Variants in UACA observed in about 807,000 individuals in gnomAD.
The protein encoded by UACA is nuclear membrane binding protein.
UACA carries 112 observed loss-of-function variants against 160.5 expected under a neutral mutation model. The ratio of observed to expected loss-of-function variants is 0.70; its 90% CI spans 0.60 to 0.82. UACA has a LOEUF of 0.82. UACA is among the 40% of genes least tolerant of loss of function. The pLI, the probability that UACA is intolerant of heterozygous loss-of-function variation, is 0.00. For missense variants in UACA, 1,574 were observed against 1,614.6 expected, an observed-to-expected ratio of 0.97 and a Z score of 0.43; for synonymous variants, 557 against 568.4, an observed-to-expected ratio of 0.98 and a Z score of 0.29.
At chr15:70,710,197 G>C (rs2059323) in intron 1 of UACA, among the ~76,000 whole-genome samples, 99,570 of 152,060 alleles carry the variant, frequency 0.65, 35,220 homozygotes, top group Admixed American at 0.79. Context: ...CGGGGCTGCA[G>C]TGAGCCAAGT....
intron 17 of UACA, 35 bp from the exon 18 acceptor site, chr15:70,660,251 C>G: frequency 1.3e-6 from 2 of 1,576,516 alleles, no homozygotes; most frequent in Non-Finnish European, 1.7e-6. Context: ...ATGTGACTAT[C>G]AGCGTTCACA....
the UACA span, among the ~76,000 whole-genome samples, chr15:70,769,729 G>A: frequency 1.3e-5 from 2 of 151,648 alleles, no homozygotes; most frequent in South Asian, 2.1e-4. Flanking sequence ...GGCCAGGCAC[G>A]GTCACATCTG....
rs761282559 is a variant in UACA, at chr15:70,667,672, T to C, written c.3012A>G (p.Glu1004=). The change falls in exon 16 of 19, where the codon GAA becomes GAG. Residue 1004 remains glutamate (E), a synonymous_variant. Coordinates refer to ENST00000322954, the MANE Select transcript of UACA (RefSeq NM_018003.4). ...CERKFKATEK[E]LKDQLSEQTQ... ...TCTGCTCTGATAACTGGTCTTTTAG[T>C]TCTTTCTCTGTTGCTTTAAATTTTC... 6.2e-7 allele frequency: 1 copy of C among 1,613,506 alleles called. No individual in the cohort carries two copies. The highest frequency in any genetic ancestry group is 8.5e-7 in the Non-Finnish European group (1 of 1,179,902).
chr15:70,726,009 T>C (rs530294633), intron 1 of UACA, among the ~76,000 whole-genome samples: 16 of 152,146 alleles, frequency 1.1e-4, no homozygotes, highest in African/African-American at 3.9e-4. Flanking sequence ...TCCAAATAAA[T>C]AAATAAATAA....
rs1326425807 is a variant in UACA, at chr15:70,656,850, AT to A, written c.*205del. On this transcript the variant is annotated 3_prime_UTR_variant, in exon 19 of 19. Coordinates refer to ENST00000322954, the MANE Select transcript of UACA (RefSeq NM_018003.4). The stretch of plus-strand genomic sequence containing the variant: ...GTTATGTTGTTTGCCTATTTGTAAA[AT>A]TAACACATACAGAAAATAAGATTCA... 2.2e-6 allele frequency: 1 copy of A among 451,272 alleles called. No homozygotes were observed. Among genetic ancestry groups the A allele is most frequent in the Non-Finnish European group, 3.9e-6 (1 of 254,602 alleles). The allele number at this position is 451,272 out of a possible 1,614,324, so 28.0% of individuals were successfully genotyped here. A position where few individuals can be genotyped will look rare whatever the true frequency, so the allele number is the denominator to read the frequency against.
chr15:70,672,803 T>C (rs1897181723), intron 13 of UACA, among the ~76,000 whole-genome samples: 1 of 151,580 alleles, frequency 6.6e-6, no homozygotes, highest in African/African-American at 2.4e-5. Context: ...TACAAAAAAA[T>C]ACAAGAACGA....
the UACA span, among the ~76,000 whole-genome samples, chr15:70,769,545 A>C: frequency 4.6e-5 from 7 of 150,920 alleles, no homozygotes; most frequent in East Asian, 1.4e-3. Flanking sequence ...AGTTATATAT[A>C]AACATATTTT....
intron 1 of UACA, among the ~76,000 whole-genome samples, chr15:70,760,336 G>A (rs1055981658): frequency 6.6e-6 from 1 of 152,050 alleles, no homozygotes; most frequent in Non-Finnish European, 1.5e-5. Flanking sequence ...ATCATAAAAG[G>A]TTATAAATTC....
chr15:70,749,249 G>A (rs982341675), intron 1 of UACA: 6 of 438,652 alleles, frequency 1.4e-5, no homozygotes, highest in African/African-American at 6.1e-5. Context: ...AAACAGGGCC[G>A]GGCGCGGTGG....
intron 17 of UACA, 22 bp downstream of exon 17, chr15:70,664,640 C>T: frequency 6.3e-7 from 1 of 1,596,844 alleles, no homozygotes; most frequent in Non-Finnish European, 8.5e-7. Flanking sequence ...TCCTGCAAAG[C>T]CCCGTGTGCC....
chr15:70,744,103 G>A (rs1282691633), intron 1 of UACA, among the ~76,000 whole-genome samples: 1 of 152,008 alleles, frequency 6.6e-6, no homozygotes, highest in African/African-American at 2.4e-5. Flanking sequence ...AAAGTAGCCA[G>A]GCATAGTGGC....
chr15:70,759,155 C>A (rs2030599330), intron 1 of UACA, among the ~76,000 whole-genome samples: 1 of 152,322 alleles, frequency 6.6e-6, no homozygotes, highest in Admixed American at 6.5e-5. Context: ...TGTCTGCTTA[C>A]AATATCTGTT....
chr15:70,776,592 T>C, the UACA span, among the ~76,000 whole-genome samples: 5 of 152,144 alleles, frequency 3.3e-5, no homozygotes, highest in South Asian at 8.3e-4. Context: ...CATGCCTGGC[T>C]AAATTTTTGT....
Position 70,679,649 on chromosome 15 carries a change from C to T in UACA, c.850G>A (p.Val284Ile). 1 of 1,590,204 alleles carries T rather than the reference C, an allele frequency of 6.3e-7. No individual in the cohort carries two copies. Among genetic ancestry groups the T allele is most frequent in the Non-Finnish European group, 8.6e-7 (1 of 1,168,830 alleles). ...QRNLTHMQDE[V>I]NVKSHQREHQ... Reference sequence around the variant, plus strand: ...TCCCTCTGATGTGACTTCACATTTACTTCATCTTGCATGTGTGTCAAATTT... The same window carrying T: ...TCCCTCTGATGTGACTTCACATTTATTTCATCTTGCATGTGTGTCAAATTT... The change falls in exon 10 of 19, where the codon GTA (valine) becomes ATA (isoleucine). Residue 284 changes from valine (V) to isoleucine (I), a missense_variant. Transcript: ENST00000322954.
chr15:70,713,545 C>A (rs1390284562), intron 1 of UACA, among the ~76,000 whole-genome samples: 1 of 151,988 alleles, frequency 6.6e-6, no homozygotes, highest in African/African-American at 2.4e-5. Context: ...TAAGACAATC[C>A]CAGGATGAGA....
At position 70,669,470 on chromosome 15, in the gene UACA, G is replaced by T; in HGVS notation, c.1222-8C>A. The T allele has an allele frequency of 8.9e-7, 1 of 1,126,170 alleles. No individual in the cohort carries two copies. Among genetic ancestry groups the T allele is most frequent in the Non-Finnish European group, 1.2e-6 (1 of 851,058 alleles). 69.8% of individuals were successfully genotyped at this position (1,126,170 alleles called of 1,614,324 possible). On this transcript the variant is annotated splice_polypyrimidine_tract_variant and splice_region_variant and intron_variant, in intron 15 of 18. Transcript: ENST00000322954. ...TATACCTGGGGAAGTACACTGAAAA[G>T]AAAAAAAAAAAGACATCAATCACAA...
chr15:70,666,996 TATATTTAGACAAGTC>T lies in UACA; in HGVS notation c.3673_3687del (p.Asp1225_Tyr1229del). ...GTCTCCAAATCACTTTTTGTTGCTT[TATATTTAGACAAGTC>T]AACTACCTCTCTAGTCTCTAATTTT... On this transcript the variant is annotated inframe_deletion, in exon 16 of 19. Coordinates refer to ENST00000322954, the MANE Select transcript of UACA (RefSeq NM_018003.4). The T allele has an allele frequency of 6.2e-7, 1 of 1,613,082 alleles. No individual in the cohort carries two copies. Among genetic ancestry groups the T allele is most frequent in the Non-Finnish European group, 8.5e-7 (1 of 1,179,830 alleles).
At chr15:70,751,554 T>C (rs2030059289) in intron 1 of UACA, among the ~76,000 whole-genome samples, 1 of 152,210 alleles carries the variant, frequency 6.6e-6, no homozygotes. Context: ...AACTACTCTA[T>C]GAAATAAGTA....
chr15:70,740,268 A>C (rs1899488796), intron 1 of UACA, among the ~76,000 whole-genome samples: 1 of 152,114 alleles, frequency 6.6e-6, no homozygotes, highest in African/African-American at 2.4e-5. Flanking sequence ...TCATGTGCAA[A>C]TCTGTGATAG....
Sources: allele counts gnomAD v4.1 joint callset (sites outside exome capture counted in the v4.1 genomes callset), GRCh38; gene constraint gnomAD v4.1.1; transcripts MANE v1.5; gene names NCBI Gene and HGNC (gene_info 2026-07-23, HGNC 2026-07-21).